STX18: variants seen among roughly 807,000 people sequenced by gnomAD.
The protein encoded by STX18 is syntaxin 18.
In STX18, 40 loss-of-function variants were observed where a neutral mutation model predicts 50.1. The observed-to-expected ratio is 0.80, with a 90% CI of 0.62 to 1.04. The LOEUF (loss-of-function observed/expected upper bound fraction) is 1.04, where lower values mean the gene tolerates loss of function less well. Among genes scored for constraint, STX18 ranks in the 50% least tolerant of loss-of-function variants. STX18 has a pLI of 0.00. For missense variants in STX18, 410 were observed against 415.8 expected (o/e 0.99, Z 0.12); for synonymous variants, 158 against 151.8 (o/e 1.04, Z -0.30).
At chr4:4,541,767 A>C in intron 1 of STX18, 30 bp downstream of exon 1, 1 of 1,587,754 alleles carries the variant, frequency 6.3e-7, no homozygotes, top group Non-Finnish European at 8.6e-7. Flanking sequence ...CCCCCTCCTC[A>C]ACCCGCCGTT....
At chr4:4,461,902 C>G in intron 2 of STX18, 2 of 456,216 alleles carry the variant, frequency 4.4e-6, no homozygotes, top group South Asian at 3.1e-5. Flanking sequence ...TCTCTTTTAC[C>G]TACTTAGAGA....
intron 5 of STX18, among the ~76,000 whole-genome samples, chr4:4,442,432 C>T (rs1726163523): frequency 6.6e-6 from 1 of 152,042 alleles, no homozygotes; most frequent in Non-Finnish European, 1.5e-5. Context: ...GCCTGGCCAA[C>T]ATGGTGAAAG....
At chr4:4,487,614 G>A (rs973779778) in intron 1 of STX18, among the ~76,000 whole-genome samples, 7 of 152,124 alleles carry the variant, frequency 4.6e-5, no homozygotes, top group Admixed American at 2.0e-4. Context: ...AGTGAAGAAC[G>A]AAACCAAAGA....
At chr4:4,423,422 G>A in intron 9 of STX18, 96 bp downstream of exon 9, 4 of 1,187,748 alleles carry the variant, frequency 3.4e-6, no homozygotes, top group Non-Finnish European at 4.9e-6. Flanking sequence ...GCTCCTGGCT[G>A]TGTAGAGCAG....
intron 1 of STX18, among the ~76,000 whole-genome samples, chr4:4,498,158 T>C (rs1729269816): frequency 6.6e-6 from 1 of 152,234 alleles, no homozygotes; most frequent in African/African-American, 2.4e-5. Flanking sequence ...CAGTGCATAC[T>C]GTTTCTCATA....
intron 1 of STX18, among the ~76,000 whole-genome samples, chr4:4,520,913 T>C (rs935206666): frequency 2.0e-5 from 3 of 152,352 alleles, no homozygotes; most frequent in Admixed American, 6.5e-5. Flanking sequence ...AAATGATCTT[T>C]AGTATCTAAA....
At chr4:4,501,439 T>C (rs755533584) in intron 1 of STX18, among the ~76,000 whole-genome samples, 53 of 152,204 alleles carry the variant, frequency 3.5e-4, no homozygotes, top group Non-Finnish European at 1.0e-4. Context: ...ATGATTATTC[T>C]AATGCAATTA....
At chr4:4,498,274 AGCAAGTAGATTT>A (rs1577376607) in intron 1 of STX18, among the ~76,000 whole-genome samples, 2 of 152,184 alleles carry the variant, frequency 1.3e-5, no homozygotes, top group East Asian at 3.8e-4. Context: ...AGCAAAAAGA[AGCAAGTAGATTT>A]GCAGTGACTT....
At chr4:4,541,717 G>T in intron 1 of STX18, 80 bp downstream of exon 1, 3 of 1,492,320 alleles carry the variant, frequency 2.0e-6, no homozygotes, top group Non-Finnish European at 1.8e-6. Flanking sequence ...CTTACGGGAC[G>T]GGGTCTGGTT....
chr4:4,438,351 A>G lies in STX18; in HGVS notation c.613+43T>C, dbSNP rs1351762732. The G allele has an allele frequency of 2.1e-6, 3 of 1,458,758 alleles. No homozygotes were observed. The South Asian group carries it at 3.5e-5, about 17-fold the overall frequency. The allele number at this position is 1,458,758 out of a possible 1,614,324, so 90.4% of individuals were successfully genotyped here. ...TGTGCTGTACTCTTGCCAACATGTCACAAGGAAGAAATGCAAGGTGAGATT... is the reference window on the plus strand; with the variant it reads ...TGTGCTGTACTCTTGCCAACATGTCGCAAGGAAGAAATGCAAGGTGAGATT... On this transcript the variant is annotated intron_variant, in intron 6 of 10. Coordinates refer to ENST00000306200, the MANE Select transcript of STX18 (RefSeq NM_016930.4).
At chr4:4,511,149 T>C (rs1319236521) in intron 1 of STX18, among the ~76,000 whole-genome samples, 1 of 152,186 alleles carries the variant, frequency 6.6e-6, no homozygotes, top group Non-Finnish European at 1.5e-5. Context: ...TCTGCACATG[T>C]ATCCTAGAAC....
At chr4:4,502,587 T>C (rs780052484) in intron 1 of STX18, among the ~76,000 whole-genome samples, 19 of 152,228 alleles carry the variant, frequency 1.2e-4, no homozygotes, top group Non-Finnish European at 1.8e-4. Flanking sequence ...AAAAAAAATA[T>C]TGAGTTCTTA....
intron 1 of STX18, among the ~76,000 whole-genome samples, chr4:4,494,671 TG>T (rs143103774): frequency 0.069 from 10,555 of 152,164 alleles, 1,173 homozygotes; most frequent in African/African-American, 0.24. Flanking sequence ...AATCACATGC[TG>T]AGGAATTAAC....
At chr4:4,470,061 C>A (rs1251433662) in intron 2 of STX18, among the ~76,000 whole-genome samples, 1 of 152,146 alleles carries the variant, frequency 6.6e-6, no homozygotes, top group Non-Finnish European at 1.5e-5. Flanking sequence ...TTTGCCAGCC[C>A]ACGAGAATGC....
chr4:4,452,338 C>CA (rs1318110165), intron 5 of STX18, among the ~76,000 whole-genome samples: 2 of 152,216 alleles, frequency 1.3e-5, no homozygotes, highest in African/African-American at 4.8e-5. Flanking sequence ...GATAATTGAT[C>CA]AAAGTGGCTA....
rs1335670415 is a variant in STX18 at position 4,419,419 on chromosome 4, TAGG to T, written c.*612_*614del. Reference sequence around the variant, plus strand: ...CTGCATTTCTTCCCTGATTGATTGATAGGAGGTGGCTGGGCTGCCACTGAATTT... The same window carrying T: ...CTGCATTTCTTCCCTGATTGATTGATAGGTGGCTGGGCTGCCACTGAATTT... On this transcript the variant is annotated 3_prime_UTR_variant, in exon 11 of 11. Coordinates refer to ENST00000306200, the MANE Select transcript of STX18 (RefSeq NM_016930.4). 6.6e-6 allele frequency: 1 copy of T among 152,352 alleles called. No individual in the cohort carries two copies. Among genetic ancestry groups the T allele is most frequent in the African/African-American group, 2.4e-5 (1 of 41,578 alleles). The allele number at this position is 152,352 out of a possible 1,614,324, so 9.4% of individuals were successfully genotyped here. A position where few individuals can be genotyped will look rare whatever the true frequency, so the allele number is the denominator to read the frequency against.
At chr4:4,423,677 A>G (rs1293183246) in intron 8 of STX18, 90 bp from the exon 9 acceptor site, 2 of 1,307,798 alleles carry the variant, frequency 1.5e-6, no homozygotes, top group East Asian at 4.9e-5. Flanking sequence ...CCTATCTTCT[A>G]CGTGAAGGTG....
chr4:4,447,634 A>G (rs866556007), intron 5 of STX18, among the ~76,000 whole-genome samples: 8,396 of 107,174 alleles, frequency 0.078, 953 homozygotes, highest in African/African-American at 0.25. Context: ...AAAAAAAAAA[A>G]TGGGGCTCTG....
chr4:4,525,395 T>C (rs763669872), intron 1 of STX18, among the ~76,000 whole-genome samples: 6 of 152,210 alleles, frequency 3.9e-5, no homozygotes, highest in Non-Finnish European at 7.4e-5. Context: ...AAAAACTAAA[T>C]GGAAAACTGG....
Sources: allele counts gnomAD v4.1 joint callset (sites outside exome capture counted in the v4.1 genomes callset), GRCh38; gene constraint gnomAD v4.1.1; transcripts MANE v1.5; gene names NCBI Gene and HGNC (gene_info 2026-07-23, HGNC 2026-07-21).